The following ADAMTSL1 variants were observed in gnomAD, a reference collection of about 807,000 sequenced individuals.
ADAMTSL1 encodes the protein ADAMTS-like protein 1.
A neutral mutation model predicts 201.8 loss-of-function variants in ADAMTSL1; 126 were observed. That is an observed-to-expected ratio of 0.62 (90% CI 0.54 to 0.72). The LOEUF is 0.72. ADAMTSL1 is among the 30% of genes least tolerant of loss of function. The pLI is 0.00. For synonymous variants in ADAMTSL1, 1,121 were observed against 903.4 expected (o/e 1.24, Z -4.32); for missense variants, 2,679 against 2,277.8 (o/e 1.18, Z -3.59).
intron 25 of ADAMTSL1, among the ~76,000 whole-genome samples, chr9:18,889,999 C>T (rs1188697915): frequency 4.6e-5 from 7 of 152,276 alleles, no homozygotes; most frequent in African/African-American, 1.4e-4. Context: ...AAGTCCCTAA[C>T]GGGGTCTGTT....
intron 23 of ADAMTSL1, among the ~76,000 whole-genome samples, chr9:18,858,587 T>C (rs1328744664): frequency 6.6e-6 from 1 of 152,166 alleles, no homozygotes; most frequent in Non-Finnish European, 1.5e-5. Flanking sequence ...GTCGGTGAAA[T>C]GGGTAGAGAA....
chr9:18,059,459 A>G (rs1822352814), intron 1 of ADAMTSL1, among the ~76,000 whole-genome samples: 1 of 152,184 alleles, frequency 6.6e-6, no homozygotes, highest in Non-Finnish European at 1.5e-5. Flanking sequence ...GGTGATTAGG[A>G]AGCTGGCATA....
chr9:17,960,858 G>T (rs561352628), intron 1 of ADAMTSL1, among the ~76,000 whole-genome samples: 1 of 152,034 alleles, frequency 6.6e-6, no homozygotes, highest in South Asian at 2.1e-4. Flanking sequence ...TAGTAAATGC[G>T]CAGTGAACAG....
intron 1 of ADAMTSL1, among the ~76,000 whole-genome samples, chr9:18,088,599 A>G (rs1334854411): frequency 6.6e-6 from 1 of 152,232 alleles, no homozygotes; most frequent in Non-Finnish European, 1.5e-5. Context: ...AAGAATACAT[A>G]CAAATGATCA....
chr9:18,129,000 A>T (rs1825847122), intron 1 of ADAMTSL1, among the ~76,000 whole-genome samples: 1 of 152,234 alleles, frequency 6.6e-6, no homozygotes, highest in South Asian at 2.1e-4. Context: ...AACAGACTGT[A>T]ATACATTAAA....
chr9:18,025,038 A>G (rs902135164), intron 1 of ADAMTSL1, among the ~76,000 whole-genome samples: 13 of 151,922 alleles, frequency 8.6e-5, no homozygotes, highest in African/African-American at 3.1e-4. Context: ...GCATTTTTTC[A>G]TATTTTTTTG....
chr9:18,394,435 A>G (rs957888393), intron 2 of ADAMTSL1, among the ~76,000 whole-genome samples: 2 of 152,202 alleles, frequency 1.3e-5, no homozygotes, highest in Non-Finnish European at 2.9e-5. Flanking sequence ...CTGACATTGT[A>G]AATGTAAGAC....
At chr9:18,743,984 G>A (rs1818990900) in intron 15 of ADAMTSL1, among the ~76,000 whole-genome samples, 1 of 152,192 alleles carries the variant, frequency 6.6e-6, no homozygotes, top group Non-Finnish European at 1.5e-5. Context: ...GCAGGGTAGA[G>A]GAGTAACCCA....
intron 26 of ADAMTSL1, among the ~76,000 whole-genome samples, chr9:18,893,787 C>A (rs376719996): frequency 3.4e-4 from 52 of 152,348 alleles, no homozygotes; most frequent in Middle Eastern, 6.8e-3. Context: ...CAAAAAAATC[C>A]TTTTGGAATA....
chr9:17,998,804 G>T (rs183223275), intron 1 of ADAMTSL1, among the ~76,000 whole-genome samples: 1 of 152,100 alleles, frequency 6.6e-6, no homozygotes, highest in Non-Finnish European at 1.5e-5. Flanking sequence ...TTGCTGTGAT[G>T]TCTGCTGCTT....
chr9:18,246,298 A>G (rs1460515551), intron 2 of ADAMTSL1, among the ~76,000 whole-genome samples: 1 of 152,148 alleles, frequency 6.6e-6, no homozygotes, highest in Non-Finnish European at 1.5e-5. Flanking sequence ...TTCTCTGTGA[A>G]CCACAATAAA....
At chr9:18,723,042 C>A (rs777489090) in intron 15 of ADAMTSL1, 3 of 779,712 alleles carry the variant, frequency 3.8e-6, no homozygotes, top group East Asian at 2.4e-5. Flanking sequence ...CAGCATGGAA[C>A]GCCTGCAACG....
chr9:18,730,032 T>A (rs1391905157), intron 15 of ADAMTSL1, among the ~76,000 whole-genome samples: 1 of 149,522 alleles, frequency 6.7e-6, no homozygotes, highest in Admixed American at 6.7e-5. Flanking sequence ...AAAATAAATC[T>A]TTTTTTTTTC....
At chr9:18,464,598 A>C (rs1160139212) in intron 2 of ADAMTSL1, among the ~76,000 whole-genome samples, 1 of 152,256 alleles carries the variant, frequency 6.6e-6, no homozygotes, top group Non-Finnish European at 1.5e-5. Flanking sequence ...TATGACAGTC[A>C]ACAAAAATTA....
At chr9:18,434,263 GA>G (rs199884109) in intron 2 of ADAMTSL1, among the ~76,000 whole-genome samples, 2 of 152,004 alleles carry the variant, frequency 1.3e-5, no homozygotes, top group Non-Finnish European at 2.9e-5. Context: ...CCATTTTCAT[GA>G]AAAAAACAAG....
intron 1 of ADAMTSL1, among the ~76,000 whole-genome samples, chr9:18,082,557 T>G (rs1342160412): frequency 6.6e-6 from 1 of 152,168 alleles, no homozygotes; most frequent in Non-Finnish European, 1.5e-5. Context: ...TAAGGACACC[T>G]TAAGACACAT....
At chr9:18,880,917 T>C (rs1442489092) in intron 23 of ADAMTSL1, among the ~76,000 whole-genome samples, 2 of 152,240 alleles carry the variant, frequency 1.3e-5, no homozygotes, top group Non-Finnish European at 2.9e-5. Context: ...CCAGATTTTC[T>C]GGATAACTTG....
chr9:18,868,923 A>C (rs1273111994), intron 23 of ADAMTSL1, among the ~76,000 whole-genome samples: 1 of 152,184 alleles, frequency 6.6e-6, no homozygotes, highest in Non-Finnish European at 1.5e-5. Context: ...TTGAAATCCT[A>C]ATCTCCAGTA....
chr9:18,454,473 A>G (rs1820529370), intron 2 of ADAMTSL1, among the ~76,000 whole-genome samples: 1 of 152,192 alleles, frequency 6.6e-6, no homozygotes, highest in African/African-American at 2.4e-5. Context: ...ATGCTTTACC[A>G]GTTCTCCAGG....
Sources: gnomAD v4.1 joint callset for allele counts (sites outside exome capture counted in the v4.1 genomes callset) on GRCh38, gnomAD v4.1.1 for gene constraint, MANE v1.5 for transcripts, NCBI Gene and HGNC (gene_info 2026-07-23, HGNC 2026-07-21) for gene names.